Variants in ZZZ3 observed in about 807,000 individuals in gnomAD.
The protein encoded by ZZZ3 is ZZ-type zinc finger-containing protein 3.
A neutral mutation model predicts 95.2 loss-of-function variants in ZZZ3; 22 were observed. The observed-to-expected ratio is 0.23, with a 90% confidence interval of 0.17 to 0.33. The LOEUF (loss-of-function observed/expected upper bound fraction) is 0.33, where lower values mean the gene tolerates loss of function less well. Among genes scored for constraint, ZZZ3 ranks in the 10% least tolerant of loss-of-function variants. The pLI, the probability that ZZZ3 is intolerant of heterozygous loss-of-function variation, is 1.00. For synonymous variants in ZZZ3, 335 were observed against 358.9 expected (o/e 0.93, Z 0.75); for missense variants, 885 against 1,066.5 (o/e 0.83, Z 2.37).
chr1:77,584,897 C>T (rs1231738638), intron 5 of ZZZ3: 1 of 279,602 alleles, frequency 3.6e-6, no homozygotes, highest in Non-Finnish European at 6.6e-6. Flanking sequence ...ATTCTTGAAC[C>T]TGAACAAGTA....
chr1:77,581,089 T>C lies in ZZZ3; in HGVS notation c.1909-20A>G, dbSNP rs553455360. On this transcript the variant is annotated intron_variant, in intron 8 of 14. Coordinates refer to ENST00000370801, the MANE Select transcript of ZZZ3 (RefSeq NM_015534.6). ...TATCATCTGCACATAAGACAAGGCT[T>C]TTGTCAGAGAGAAAATAACAACACC... 2 of 1,607,310 alleles carry C rather than the reference T, an allele frequency of 1.2e-6. No individual in the cohort carries two copies. Among genetic ancestry groups the C allele is most frequent in the African/African-American group, 1.3e-5 (1 of 74,908 alleles).
chr1:77,595,698 C>T (rs1211445551), intron 5 of ZZZ3, among the ~76,000 whole-genome samples: 2 of 152,032 alleles, frequency 1.3e-5, no homozygotes, highest in Non-Finnish European at 2.9e-5. Context: ...TACAAGCAAA[C>T]ATTTGCATTT....
chr1:77,673,961 C>G (rs1264724796), intron 1 of ZZZ3, among the ~76,000 whole-genome samples: 1 of 149,222 alleles, frequency 6.7e-6, no homozygotes, highest in Non-Finnish European at 1.5e-5. Flanking sequence ...AAGCCATTAG[C>G]TGGCCAGGAA....
chr1:77,624,494 G>A (rs1570540897), intron 5 of ZZZ3, among the ~76,000 whole-genome samples: 2 of 143,656 alleles, frequency 1.4e-5, no homozygotes, highest in Admixed American at 1.4e-4. Flanking sequence ...ACCCCTAAAA[G>A]ACAAAGTTTA....
intron 1 of ZZZ3, among the ~76,000 whole-genome samples, chr1:77,651,841 C>A (rs748565743): frequency 3.3e-5 from 5 of 151,954 alleles, no homozygotes; most frequent in Non-Finnish European, 5.9e-5. Flanking sequence ...CATGGTGAAA[C>A]CCCGTCTCTA....
intron 14 of ZZZ3, 53 bp downstream of exon 14, chr1:77,566,028 G>A (rs1373722234): frequency 1.5e-5 from 21 of 1,396,530 alleles, no homozygotes; most frequent in Non-Finnish European, 2.0e-5. Flanking sequence ...ACTAATGGCT[G>A]AGAAGCTCTT....
At chr1:77,566,372 T>C (rs999604231) in intron 13 of ZZZ3, among the ~76,000 whole-genome samples, 191 bp from the exon 14 acceptor site, 1 of 152,176 alleles carries the variant, frequency 6.6e-6, no homozygotes, top group Non-Finnish European at 1.5e-5. Flanking sequence ...TTCCATCCAC[T>C]CAATATCAAG....
chr1:77,656,112 T>C (rs994478954), intron 1 of ZZZ3, among the ~76,000 whole-genome samples: 1 of 152,264 alleles, frequency 6.6e-6, no homozygotes, highest in Non-Finnish European at 1.5e-5. Context: ...ATTTAATTTT[T>C]ACAAATGTTT....
intron 14 of ZZZ3, 130 bp downstream of exon 14, chr1:77,565,951 C>G (rs1229567743): frequency 9.0e-7 from 1 of 1,112,478 alleles, no homozygotes; most frequent in Non-Finnish European, 1.3e-6. Flanking sequence ...AATTAATTGC[C>G]TAGAACAACA....
intron 1 of ZZZ3, among the ~76,000 whole-genome samples, chr1:77,660,390 A>G: frequency 6.6e-6 from 1 of 151,878 alleles, no homozygotes; most frequent in South Asian, 2.1e-4. Flanking sequence ...CATATCCCCC[A>G]CCTCTAGCCT....
chr1:77,647,307 C>T (rs1432254426), intron 1 of ZZZ3, among the ~76,000 whole-genome samples: 1 of 152,102 alleles, frequency 6.6e-6, no homozygotes, highest in African/African-American at 2.4e-5. Context: ...TCACTTGAGG[C>T]CAGGGGTTCA....
chr1:77,648,300 G>A (rs1277334754), intron 1 of ZZZ3, among the ~76,000 whole-genome samples: 18 of 142,320 alleles, frequency 1.3e-4, no homozygotes, highest in African/African-American at 4.5e-4. Context: ...AATGAGCCAC[G>A]ATCATGCCCC....
At chr1:77,630,308 T>C (rs1667682715) in intron 5 of ZZZ3, among the ~76,000 whole-genome samples, 1 of 151,566 alleles carries the variant, frequency 6.6e-6, no homozygotes, top group African/African-American at 2.4e-5. Flanking sequence ...AACCTGCCTC[T>C]ACAAAATACA....
intron 1 of ZZZ3, among the ~76,000 whole-genome samples, chr1:77,675,775 CCTT>C (rs943655150): frequency 1.3e-5 from 2 of 152,010 alleles, no homozygotes; most frequent in Admixed American, 6.6e-5. Flanking sequence ...AACATAAATA[CCTT>C]TTTTCAATTA....
intron 5 of ZZZ3, among the ~76,000 whole-genome samples, chr1:77,620,218 G>T (rs1438684729): frequency 1.3e-5 from 2 of 152,080 alleles, no homozygotes; most frequent in African/African-American, 4.8e-5. Context: ...TAGAATGAGA[G>T]AACATAATTA....
chr1:77,578,636 G>C, intron 11 of ZZZ3, 138 bp downstream of exon 11: 1 of 435,542 alleles, frequency 2.3e-6, no homozygotes, highest in East Asian at 3.8e-5. Context: ...CTCCACTTTT[G>C]CACAATATAA....
intron 1 of ZZZ3, among the ~76,000 whole-genome samples, chr1:77,666,655 A>G (rs963923025): frequency 6.6e-6 from 1 of 152,224 alleles, no homozygotes; most frequent in Non-Finnish European, 1.5e-5. Context: ...ACCATCTCCC[A>G]TGAACTAGGC....
At chr1:77,621,590 C>T (rs960748279) in intron 5 of ZZZ3, among the ~76,000 whole-genome samples, 6 of 143,028 alleles carry the variant, frequency 4.2e-5, no homozygotes, top group East Asian at 2.2e-4. Flanking sequence ...CCAAGGTGGG[C>T]GGATGGCTTG....
Position 77,635,933 on chromosome 1 carries a change from A to G in ZZZ3, c.-51-2528T>C, listed in dbSNP as rs185715651. Among the ~76,000 whole-genome samples, 158 of 152,258 alleles carry G rather than the reference A, an allele frequency of 1.0e-3. 1 individual carries two copies. The highest frequency in any genetic ancestry group is 3.4e-3 in the Middle Eastern group (1 of 294). ...AAAAAAATAAAAAGAAAAGAACACAAACTGAAATACATGAAAAGCAACTTA... is the reference window on the plus strand; with the variant it reads ...AAAAAAATAAAAAGAAAAGAACACAGACTGAAATACATGAAAAGCAACTTA... On this transcript the variant is annotated intron_variant, in intron 4 of 14. Coordinates refer to ENST00000370801, the MANE Select transcript of ZZZ3 (RefSeq NM_015534.6).
Sources: gnomAD v4.1 joint callset for allele counts (sites outside exome capture counted in the v4.1 genomes callset) on GRCh38, gnomAD v4.1.1 for gene constraint, MANE v1.5 for transcripts, NCBI Gene and HGNC (gene_info 2026-07-23, HGNC 2026-07-21) for gene names.